The following PARD3 variants were observed in gnomAD, a reference collection of about 807,000 sequenced individuals.
PARD3 encodes partitioning defective 3 homolog.
PARD3 carries 75 observed loss-of-function variants against 155.4 expected under a neutral mutation model. That is an observed-to-expected ratio of 0.48 (90% CI 0.40 to 0.58). The LOEUF (loss-of-function observed/expected upper bound fraction) is 0.58, where lower values mean the gene tolerates loss of function less well. Ranked by LOEUF, PARD3 falls within the 20% of genes least tolerant of loss-of-function variation. PARD3 has a pLI of 0.00. For missense variants in PARD3, 1,642 were observed against 1,721.7 expected (o/e 0.95, Z 0.82); for synonymous variants, 576 against 610.5 (o/e 0.94, Z 0.83).
intron 3 of PARD3, among the ~76,000 whole-genome samples, chr10:34,504,549 C>T (rs1021451545): frequency 3.9e-5 from 6 of 151,910 alleles, no homozygotes; most frequent in African/African-American, 1.5e-4. Flanking sequence ...CAAAATAACA[C>T]CATGAATTAA....
chr10:34,576,811 G>T (rs925668325), intron 2 of PARD3, among the ~76,000 whole-genome samples: 2 of 152,168 alleles, frequency 1.3e-5, no homozygotes, highest in African/African-American at 4.8e-5. Context: ...AGTTACAGTG[G>T]AATGAACATG....
At chr10:34,165,052 C>T (rs1949462238) in intron 22 of PARD3, among the ~76,000 whole-genome samples, 1 of 151,908 alleles carries the variant, frequency 6.6e-6, no homozygotes, top group Non-Finnish European at 1.5e-5. Flanking sequence ...TGTTAGAAGA[C>T]CACCCTAACA....
rs148390743 is a variant in PARD3, at chr10:34,197,216, G to A, written c.3420-65633C>T. On this transcript the variant is annotated intron_variant, in intron 22 of 24. Transcript: ENST00000374788. Reference sequence around the variant, plus strand: ...GATCTATCACAGTGACCAAATACCAGCTATTTTTAGGAAAAATGCTTGCTT... The same window carrying A: ...GATCTATCACAGTGACCAAATACCAACTATTTTTAGGAAAAATGCTTGCTT... 5.0e-3 allele frequency among the ~76,000 whole-genome samples: 758 copies of A among 152,274 alleles called. 13 individuals are homozygous for A. The highest frequency in any genetic ancestry group is 5.0e-3 in the Non-Finnish European group (339 of 68,024).
At chr10:34,186,661 A>G (rs558722289) in intron 22 of PARD3, among the ~76,000 whole-genome samples, 1 of 152,232 alleles carries the variant, frequency 6.6e-6, no homozygotes, top group Admixed American at 6.5e-5. Context: ...GGAGGACATA[A>G]GCAGTGGCAA....
chr10:34,125,358 C>T (rs1947228708), intron 23 of PARD3, among the ~76,000 whole-genome samples: 1 of 152,126 alleles, frequency 6.6e-6, no homozygotes, highest in African/African-American at 2.4e-5. Flanking sequence ...AGCCACCGTG[C>T]CCGGCCCTCC....
At chr10:34,733,091 A>G (rs2133825897) in intron 1 of PARD3, among the ~76,000 whole-genome samples, 1 of 152,330 alleles carries the variant, frequency 6.6e-6, no homozygotes, top group East Asian at 1.9e-4. Context: ...GGGACAAGGA[A>G]ACAAGAAGCT....
chr10:34,601,413 C>G (rs2089770876), intron 2 of PARD3, among the ~76,000 whole-genome samples: 2 of 152,124 alleles, frequency 1.3e-5, no homozygotes, highest in African/African-American at 4.8e-5. Context: ...TGCACTCTAC[C>G]TTGGATGACA....
At chr10:34,775,508 C>CA (rs1214891872) in intron 1 of PARD3, among the ~76,000 whole-genome samples, 1 of 152,068 alleles carries the variant, frequency 6.6e-6, no homozygotes, top group Admixed American at 6.6e-5. Flanking sequence ...GACCCTATCT[C>CA]AAAAAACAAA....
At chr10:34,640,779 T>C (rs886698252) in intron 2 of PARD3, among the ~76,000 whole-genome samples, 2 of 144,108 alleles carry the variant, frequency 1.4e-5, no homozygotes, top group African/African-American at 5.1e-5. Flanking sequence ...ATCCAAACTT[T>C]AAATGCACAC....
chr10:34,670,521 T>C (rs779423462), intron 2 of PARD3, among the ~76,000 whole-genome samples: 17 of 152,188 alleles, frequency 1.1e-4, no homozygotes, highest in Non-Finnish European at 2.4e-4. Flanking sequence ...CTTTGGGACC[T>C]TTGCGGGAGG....
At chr10:34,526,900 G>A (rs756599052) in intron 2 of PARD3, among the ~76,000 whole-genome samples, 2 of 152,096 alleles carry the variant, frequency 1.3e-5, no homozygotes, top group Non-Finnish European at 2.9e-5. Flanking sequence ...ACATTCCCTC[G>A]TTGGGCTTCC....
In PARD3 at chr10:34,465,597, A is replaced by C. The variant is rs573396255; in HGVS notation, c.582+4488T>G. 6.6e-5 allele frequency among the ~76,000 whole-genome samples: 10 copies of C among 152,284 alleles called. No homozygotes were observed. In the South Asian group the frequency reaches 2.1e-3, roughly 32 times the overall value. On this transcript the variant is annotated intron_variant, in intron 4 of 24. Coordinates refer to ENST00000374788, the MANE Select transcript of PARD3 (RefSeq NM_001184785.2). ...TAAAAAATCAAAAGAAAAGGAAGCT[A>C]ATGATGCCAATGCAATAGGTTCCCT...
chr10:34,530,032 G>A (rs1386887432), intron 2 of PARD3, among the ~76,000 whole-genome samples: 1 of 152,126 alleles, frequency 6.6e-6, no homozygotes. Flanking sequence ...ACCATGCCTG[G>A]CAGAAAATAT....
rs551103598 is a variant in PARD3, at chr10:34,745,803, A to C, written c.121-49384T>G. ...AAGGAAATGGCACAGTAATTCTTAG[A>C]AAATAATTAAGAAACGGCCAGGCGC... On this transcript the variant is annotated intron_variant, in intron 1 of 24. Transcript: ENST00000374788. Among the ~76,000 whole-genome samples, 8 of 152,156 alleles carry C rather than the reference A, an allele frequency of 5.3e-5. No homozygotes were observed. In the South Asian group the frequency reaches 1.2e-3, roughly 24 times the overall value.
intron 2 of PARD3, among the ~76,000 whole-genome samples, chr10:34,654,750 G>C (rs190571381): frequency 3.9e-5 from 6 of 152,220 alleles, no homozygotes; most frequent in African/African-American, 1.2e-4. Flanking sequence ...CTCTCCCGCA[G>C]ACACTCTGCC....
At chr10:34,113,788 G>C (rs575752739) in intron 24 of PARD3, among the ~76,000 whole-genome samples, 2 of 152,258 alleles carry the variant, frequency 1.3e-5, no homozygotes, top group African/African-American at 4.8e-5. Flanking sequence ...TGCTCACTGG[G>C]CTCAAGTTAC....
intron 5 of PARD3, among the ~76,000 whole-genome samples, chr10:34,409,588 T>A (rs2132284755): frequency 6.6e-6 from 1 of 152,338 alleles, no homozygotes; most frequent in East Asian, 1.9e-4. Flanking sequence ...GATACCACCA[T>A]GCCAGGAACA....
chr10:34,735,153 A>G (rs540480124), intron 1 of PARD3, among the ~76,000 whole-genome samples: 1 of 152,318 alleles, frequency 6.6e-6, no homozygotes, highest in African/African-American at 2.4e-5. Context: ...AACAGAAAAT[A>G]ATAAGTAGAT....
At chr10:34,648,256 A>AT (rs1353781516) in intron 2 of PARD3, among the ~76,000 whole-genome samples, 1 of 152,234 alleles carries the variant, frequency 6.6e-6, no homozygotes, top group African/African-American at 2.4e-5. Context: ...CTTCAAAGAC[A>AT]TTCTTCAAAG....
Sources: gnomAD v4.1 joint callset for allele counts (sites outside exome capture counted in the v4.1 genomes callset) on GRCh38, gnomAD v4.1.1 for gene constraint, MANE v1.5 for transcripts, NCBI Gene and HGNC (gene_info 2026-07-23, HGNC 2026-07-21) for gene names.